CTNNA3: variants seen among roughly 807,000 people sequenced by gnomAD.
CTNNA3 encodes catenin alpha-3.
CTNNA3 carries 76 observed loss-of-function variants against 95.7 expected under a neutral mutation model. The ratio of observed to expected loss-of-function variants is 0.79; its 90% CI spans 0.66 to 0.96. The LOEUF (loss-of-function observed/expected upper bound fraction) is 0.96. Ranked by LOEUF, CTNNA3 falls within the 40% of genes least tolerant of loss-of-function variation. CTNNA3 has a pLI of 0.00. For missense variants in CTNNA3, 1,191 were observed against 1,089.8 expected (o/e 1.09, Z -1.31); for synonymous variants, 431 against 374.4 (o/e 1.15, Z -1.74).
At chr10:66,986,498 C>CAA (rs1850736879) in intron 7 of CTNNA3, among the ~76,000 whole-genome samples, 2 of 54,416 alleles carry the variant, frequency 3.7e-5, no homozygotes, top group Admixed American at 3.2e-4. Flanking sequence ...CTCCATCTTG[C>CAA]TAAACTAAAC....
chr10:67,737,052 C>T (rs1458092609), intron 1 of CTNNA3, among the ~76,000 whole-genome samples: 5 of 152,088 alleles, frequency 3.3e-5, no homozygotes, highest in Non-Finnish European at 5.9e-5. Flanking sequence ...CAACCTCCAC[C>T]TCCCAGGTTC....
chr10:66,829,554 A>G (rs923149517), intron 7 of CTNNA3, among the ~76,000 whole-genome samples: 4 of 151,504 alleles, frequency 2.6e-5, no homozygotes, highest in Admixed American at 2.6e-4. Flanking sequence ...CAGAGGTTGC[A>G]GGGAGCCAAG....
chr10:67,444,163 G>T (rs1365642356), intron 5 of CTNNA3, among the ~76,000 whole-genome samples: 2 of 152,040 alleles, frequency 1.3e-5, no homozygotes, highest in African/African-American at 4.8e-5. Context: ...CAAGTCTTAA[G>T]ATATTCAAGA....
intron 3 of CTNNA3, among the ~76,000 whole-genome samples, chr10:67,579,406 C>G (rs12220165): frequency 0.4 from 61,277 of 151,796 alleles, 15,943 homozygotes; most frequent in African/African-American, 0.71. Context: ...TGGCTGCATA[C>G]TATTCCATGG....
chr10:66,857,266 C>T (rs1355850483), intron 7 of CTNNA3, among the ~76,000 whole-genome samples: 1 of 151,794 alleles, frequency 6.6e-6, no homozygotes, highest in Non-Finnish European at 1.5e-5. Context: ...TCTATGTGAC[C>T]GTTTTTGTAC....
chr10:67,744,754 C>A (rs2131742939), intron 1 of CTNNA3, among the ~76,000 whole-genome samples: 2 of 151,788 alleles, frequency 1.3e-5, no homozygotes, highest in Admixed American at 1.3e-4. Context: ...ACCTACTCAT[C>A]TGACAAAGGG....
intron 8 of CTNNA3, among the ~76,000 whole-genome samples, chr10:66,772,276 G>C (rs1382090086): frequency 1.3e-5 from 2 of 151,688 alleles, no homozygotes; most frequent in Non-Finnish European, 2.9e-5. Context: ...ATACAAAAAA[G>C]TAGCAGGGTG....
chr10:66,073,172 T>C (rs2080476770), intron 14 of CTNNA3, among the ~76,000 whole-genome samples: 1 of 152,082 alleles, frequency 6.6e-6, no homozygotes, highest in Non-Finnish European at 1.5e-5. Flanking sequence ...AAAAATTTCA[T>C]TTAGACAGGA....
At chr10:67,268,359 A>AAATTAAATT (rs759024425) in intron 5 of CTNNA3, among the ~76,000 whole-genome samples, 3,881 of 142,816 alleles carry the variant, frequency 0.027, 135 homozygotes, top group African/African-American at 0.082. Context: ...TAAATTAAAT[A>AAATTAAATT]AATAAATAAA....
rs1253413058 is a variant in CTNNA3, at chr10:67,558,758, C to A, written c.293-19089G>T. On this transcript the variant is annotated intron_variant, in intron 3 of 17. Coordinates refer to ENST00000433211, the MANE Select transcript of CTNNA3 (RefSeq NM_013266.4). ...TCAAAGAAAGGGGTGACAGATGGCA[C>A]CTGGAAAATCGGGTCACTCCCACCC... Among the ~76,000 whole-genome samples the A allele has an allele frequency of 3.9e-5, 6 of 152,192 alleles. No individual in the cohort carries two copies. In the East Asian group the frequency reaches 9.6e-4, roughly 24 times the overall value.
chr10:66,305,110 C>T (rs560163082), intron 12 of CTNNA3, among the ~76,000 whole-genome samples: 12 of 152,022 alleles, frequency 7.9e-5, no homozygotes, highest in Admixed American at 1.3e-4. Context: ...GCCCTGATTT[C>T]GGCTAGCCAA....
chr10:67,191,365 A>G (rs1863112027), intron 6 of CTNNA3, among the ~76,000 whole-genome samples: 1 of 151,996 alleles, frequency 6.6e-6, no homozygotes, highest in African/African-American at 2.4e-5. Flanking sequence ...CAAAGACTCA[A>G]CCAAAAACCT....
chr10:66,000,115 T>C (rs1214523150), intron 15 of CTNNA3, among the ~76,000 whole-genome samples: 1 of 151,980 alleles, frequency 6.6e-6, no homozygotes, highest in Non-Finnish European at 1.5e-5. Context: ...ACATTATGGG[T>C]TAGAAAGTAT....
chr10:66,010,438 G>A (rs1220720510), intron 15 of CTNNA3, among the ~76,000 whole-genome samples: 1 of 151,988 alleles, frequency 6.6e-6, no homozygotes, highest in Non-Finnish European at 1.5e-5. Context: ...GGAGAAAGAG[G>A]AATTCAAATT....
At chr10:67,545,627 A>T (rs910661812) in intron 3 of CTNNA3, among the ~76,000 whole-genome samples, 15 of 152,174 alleles carry the variant, frequency 9.9e-5, no homozygotes, top group African/African-American at 3.6e-4. Context: ...AAGGAAAAGG[A>T]TTATAAAAGA....
chr10:66,769,146 G>C (rs1217213242), intron 8 of CTNNA3, among the ~76,000 whole-genome samples: 5 of 152,118 alleles, frequency 3.3e-5, no homozygotes, highest in Admixed American at 2.6e-4. Flanking sequence ...CCTTTGCTTT[G>C]CTGGAAATAC....
At chr10:66,989,328 A>G (rs945445124) in intron 7 of CTNNA3, among the ~76,000 whole-genome samples, 7 of 152,190 alleles carry the variant, frequency 4.6e-5, no homozygotes, top group African/African-American at 1.4e-4. Flanking sequence ...TTATTCCCTA[A>G]AAGTCCACAG....
chr10:67,299,459 T>G (rs1267922585), intron 5 of CTNNA3, among the ~76,000 whole-genome samples: 1 of 152,190 alleles, frequency 6.6e-6, no homozygotes, highest in Admixed American at 6.5e-5. Context: ...TCTCTGGGGA[T>G]CAGAATGAAT....
chr10:66,291,630 A>G (rs915757326), intron 12 of CTNNA3, among the ~76,000 whole-genome samples: 3 of 152,158 alleles, frequency 2.0e-5, no homozygotes, highest in Non-Finnish European at 4.4e-5. Flanking sequence ...CCCATATTGT[A>G]TTAAAGAAGG....
Sources: gnomAD v4.1 joint callset for allele counts (sites outside exome capture counted in the v4.1 genomes callset) on GRCh38, gnomAD v4.1.1 for gene constraint, MANE v1.5 for transcripts, NCBI Gene and HGNC (gene_info 2026-07-23, HGNC 2026-07-21) for gene names.